The following FAM83A variants were observed in gnomAD, a reference collection of about 807,000 sequenced individuals.
FAM83A encodes scaffolding CK1 anchoring protein A, also known as protein FAM83A.
A neutral mutation model predicts 24.4 loss-of-function variants in FAM83A; 21 were observed. The ratio of observed to expected loss-of-function variants is 0.86; its 90% confidence interval spans 0.61 to 1.24. The LOEUF is 1.24. FAM83A is among the 50% of genes most tolerant of loss of function. The probability of loss-of-function intolerance (pLI) is 0.00; values close to 1 mark genes in which losing one functional copy is unlikely to be tolerated. For synonymous variants in FAM83A, 270 were observed against 252.4 expected (o/e 1.07, Z -0.66); for missense variants, 617 against 579.8 (o/e 1.06, Z -0.66).
Position 123,207,568 on chromosome 8 carries a change from C to T in FAM83A, c.1185C>T (p.Ala395=), listed in dbSNP as rs766874101. ...CGCGGCCCCACGACGGCCCGCCCGC[C>T]GCTGTCTACAGCAACCTGGGGGCCT... is the stretch of plus-strand genomic sequence containing the variant. Residue 395 remains alanine (A), a synonymous_variant, in exon 4 of 4, where the codon GCC becomes GCT. Coordinates refer to ENST00000690554, the Ensembl canonical transcript of FAM83A. 2.6e-6 allele frequency: 4 copies of T among 1,567,838 alleles called. No homozygotes were observed. In the East Asian group the frequency reaches 9.4e-5, roughly 37 times the overall value.
chr8:123,208,805 G>A (rs948543977), exon 4 of FAM83A: 34 of 946,252 alleles, frequency 3.6e-5, no homozygotes, highest in African/African-American at 8.9e-5. Context: ...ACCTGGTCTC[G>A]AGACCAGCCT....
exon 4 of FAM83A, chr8:123,208,293 G>A: frequency 1.0e-6 from 1 of 985,596 alleles, no homozygotes; most frequent in Non-Finnish European, 1.2e-6. Context: ...GAGTTGTATG[G>A]GGGAGCCATC....
exon 4 of FAM83A, chr8:123,207,566 G>A: frequency 6.4e-7 from 1 of 1,565,526 alleles, no homozygotes; most frequent in Non-Finnish European, 8.6e-7. Context: ...CGGCCCGCCC[G>A]CCGCTGTCTA....
chr8:123,206,512 A>G (rs1188744002), intron 3 of FAM83A, among the ~76,000 whole-genome samples: 1 of 152,256 alleles, frequency 6.6e-6, no homozygotes, highest in African/African-American at 2.4e-5. Context: ...GGCCCTCCAC[A>G]TTCCACAGGT....
At chr8:123,203,221 T>TAAA (rs34707090) in intron 3 of FAM83A, among the ~76,000 whole-genome samples, 1 of 144,272 alleles carries the variant, frequency 6.9e-6, no homozygotes, top group Non-Finnish European at 1.5e-5. Context: ...ATACACACAT[T>TAAA]AAAAAAAAAA....
At chr8:123,203,906 G>A (rs938468090) in intron 3 of FAM83A, among the ~76,000 whole-genome samples, 5 of 145,138 alleles carry the variant, frequency 3.4e-5, no homozygotes, top group African/African-American at 1.0e-4. Flanking sequence ...GCAGTGAGCC[G>A]AGATCACGCC....
chr8:123,207,203 T>C (rs1349033062), exon 4 of FAM83A: 1 of 1,610,480 alleles, frequency 6.2e-7, no homozygotes, highest in South Asian at 1.1e-5. Flanking sequence ...CCTCTCCAAG[T>C]TCACAGGCCA....
At chr8:123,184,453 T>A (rs1586773470) in intron 1 of FAM83A, among the ~76,000 whole-genome samples, 1 of 151,158 alleles carries the variant, frequency 6.6e-6, no homozygotes, top group Non-Finnish European at 1.5e-5. Flanking sequence ...GCAGAGGGGG[T>A]TTCTCTCTCC....
At chr8:123,206,138 C>CAA (rs57788150) in intron 3 of FAM83A, among the ~76,000 whole-genome samples, 44 of 110,984 alleles carry the variant, frequency 4.0e-4, no homozygotes, top group African/African-American at 1.1e-3. Context: ...GTAAGACTCT[C>CAA]AAAAAAAAAA....
chr8:123,204,877 G>C, intron 3 of FAM83A, among the ~76,000 whole-genome samples: 1 of 152,256 alleles, frequency 6.6e-6, no homozygotes, highest in East Asian at 1.9e-4. Flanking sequence ...ACTTTGGCAG[G>C]CCGAGGCAAG....
At chr8:123,208,032 T>G in exon 4 of FAM83A, 2 of 1,102,368 alleles carry the variant, frequency 1.8e-6, no homozygotes, top group Non-Finnish European at 2.2e-6. Flanking sequence ...AAGCAGGAAA[T>G]GCAGCCCAAG....
chr8:123,205,431 C>T (rs1824515891), intron 3 of FAM83A, among the ~76,000 whole-genome samples: 1 of 152,240 alleles, frequency 6.6e-6, no homozygotes, highest in Admixed American at 6.5e-5. Flanking sequence ...ATCAACTGCT[C>T]ACCTCTCTGG....
intron 1 of FAM83A, among the ~76,000 whole-genome samples, chr8:123,185,952 G>C (rs1295616382): frequency 6.6e-6 from 1 of 152,014 alleles, no homozygotes; most frequent in Admixed American, 6.6e-5. Flanking sequence ...CACCGCACCA[G>C]GCTAATTTTT....
exon 4 of FAM83A, chr8:123,207,563 C>T: frequency 1.3e-6 from 2 of 1,560,146 alleles, no homozygotes; most frequent in Non-Finnish European, 1.7e-6. Flanking sequence ...CGACGGCCCG[C>T]CCGCCGCTGT....
chr8:123,208,845 A>G, exon 4 of FAM83A: 1 of 943,508 alleles, frequency 1.1e-6, no homozygotes, highest in Non-Finnish European at 1.3e-6. Flanking sequence ...CGTCTCTACT[A>G]AAAATACAAA....
intron 3 of FAM83A, among the ~76,000 whole-genome samples, chr8:123,197,754 C>G (rs147014338): frequency 6.1e-4 from 93 of 152,294 alleles, no homozygotes; most frequent in African/African-American, 2.1e-3. Context: ...CCGAAGAAAT[C>G]AAAGAACAGG....
At chr8:123,190,427 ATTTT>A (rs567254834) in intron 1 of FAM83A, among the ~76,000 whole-genome samples, 1 of 137,452 alleles carries the variant, frequency 7.3e-6, no homozygotes, top group Non-Finnish European at 1.6e-5. Flanking sequence ...AGTCCAGCTA[ATTTT>A]TTTTTTTTTT....
chr8:123,205,859 A>T (rs1824533763), intron 3 of FAM83A, among the ~76,000 whole-genome samples: 1 of 151,976 alleles, frequency 6.6e-6, no homozygotes, highest in African/African-American at 2.4e-5. Flanking sequence ...AAATCTGGGA[A>T]ACAGGCCGGG....
At chr8:123,186,372 G>A (rs1823797866) in intron 1 of FAM83A, among the ~76,000 whole-genome samples, 1 of 152,162 alleles carries the variant, frequency 6.6e-6, no homozygotes, top group South Asian at 2.1e-4. Flanking sequence ...AGAAGAATAG[G>A]AGAGAGTGGG....
Sources: allele counts gnomAD v4.1 joint callset (sites outside exome capture counted in the v4.1 genomes callset), GRCh38; gene constraint gnomAD v4.1.1; transcripts MANE v1.5; gene names NCBI Gene and HGNC (gene_info 2026-07-23, HGNC 2026-07-21).